The following PRKG2 variants were observed in gnomAD, a reference collection of about 807,000 sequenced individuals.
PRKG2 encodes cGMP-dependent protein kinase 2.
A neutral mutation model predicts 97.2 loss-of-function variants in PRKG2; 33 were observed. The observed-to-expected ratio is 0.34, with a 90% CI of 0.26 to 0.45. The LOEUF is 0.45. Among genes scored for constraint, PRKG2 ranks in the 20% least tolerant of loss-of-function variants. The pLI is 1.00. For missense variants in PRKG2, 638 were observed against 900.0 expected, an observed-to-expected ratio of 0.71 and a Z score of 3.73; for synonymous variants, 330 against 321.8, an observed-to-expected ratio of 1.03 and a Z score of -0.27.
chr4:81,149,356 A>G (rs1748163902), intron 8 of PRKG2, among the ~76,000 whole-genome samples: 1 of 152,202 alleles, frequency 6.6e-6, no homozygotes, highest in African/African-American at 2.4e-5. Flanking sequence ...AGTAATTAGC[A>G]TAAGATCAAC....
chr4:81,193,456 T>C (rs1313677248), intron 2 of PRKG2: 3 of 152,168 alleles, frequency 2.0e-5, no homozygotes, highest in Non-Finnish European at 4.4e-5. Flanking sequence ...CTGTGCCTGG[T>C]ACATAAAATA....
chr4:81,198,151 AT>A (rs1753078142), intron 2 of PRKG2, among the ~76,000 whole-genome samples: 1 of 152,182 alleles, frequency 6.6e-6, no homozygotes, highest in East Asian at 1.9e-4. Flanking sequence ...TTCATTAAAT[AT>A]TTTTCCTAAC....
At chr4:81,132,192 C>A (rs1452248608) in intron 14 of PRKG2, among the ~76,000 whole-genome samples, 1 of 151,728 alleles carries the variant, frequency 6.6e-6, no homozygotes, top group Non-Finnish European at 1.5e-5. Flanking sequence ...TTTTGTTTCA[C>A]TTATAAATTT....
At chr4:81,132,891 G>C (rs1746316524) in intron 14 of PRKG2, among the ~76,000 whole-genome samples, 1 of 151,598 alleles carries the variant, frequency 6.6e-6, no homozygotes, top group Non-Finnish European at 1.5e-5. Flanking sequence ...GTCTGTATCT[G>C]ATTACTCCAA....
intron 14 of PRKG2, among the ~76,000 whole-genome samples, chr4:81,114,865 T>A (rs1199019632): frequency 1.3e-5 from 2 of 152,156 alleles, no homozygotes; most frequent in African/African-American, 4.8e-5. Flanking sequence ...CCTTAAATAC[T>A]TTATAGTTTT....
intron 12 of PRKG2, 101 bp downstream of exon 12, chr4:81,140,432 G>C: frequency 9.5e-7 from 1 of 1,057,706 alleles, no homozygotes; most frequent in Non-Finnish European, 1.3e-6. Flanking sequence ...TGCCTACTAT[G>C]TACCCACAAA....
Position 81,171,618 on chromosome 4 carries a change from CA to C in PRKG2, c.742+72del, listed in dbSNP as rs1316820092. The C allele has an allele frequency of 6.0e-6, 7 of 1,161,076 alleles. 1 individual carries two copies. The Admixed American group carries it at 1.6e-4, about 27-fold the overall frequency. 71.9% of individuals were successfully genotyped at this position (1,161,076 alleles called of 1,614,324 possible). A position where few individuals can be genotyped will look rare whatever the true frequency, so the allele number is the denominator to read the frequency against. On this transcript the variant is annotated intron_variant, in intron 4 of 18. Coordinates refer to ENST00000264399, the MANE Select transcript of PRKG2 (RefSeq NM_006259.3). ...GGGAAACAGACTGTGGATCAGGGTG[CA>C]AATGTGACTGGACTAGATTATCTTT...
chr4:81,117,504 G>A (rs904661175), intron 14 of PRKG2, among the ~76,000 whole-genome samples: 1 of 151,856 alleles, frequency 6.6e-6, no homozygotes, highest in Non-Finnish European at 1.5e-5. Context: ...AATTTTCTAA[G>A]GTATCATTCA....
intron 2 of PRKG2, among the ~76,000 whole-genome samples, chr4:81,187,371 A>C (rs1176433717): frequency 6.6e-6 from 1 of 152,220 alleles, no homozygotes; most frequent in Non-Finnish European, 1.5e-5. Context: ...CCAATGACAA[A>C]AACCACATGA....
In PRKG2 at chr4:81,105,847, G is replaced by A. The variant is rs867510159; in HGVS notation, c.2029C>T (p.Arg677Ter). ...EKMDFPRKITRRPEDLIRRLC... is the reference protein window; with the variant it reads ...EKMDFPRKIT ...CTCCGAATCAAATCCTCAGGTCGTC[G>A]TGTTATCTTCCTGGGAAAATCCATT... The change falls in exon 16 of 19, where the codon CGA (arginine) becomes TGA (stop). Residue 677 changes from arginine to a stop codon, truncating the protein, a stop_gained. Transcript: ENST00000264399. LOFTEE classifies it high-confidence loss of function. 6 of 1,613,718 alleles carry A rather than the reference G, an allele frequency of 3.7e-6. No homozygotes were observed. Among genetic ancestry groups the A allele is most frequent in the Admixed American group, 1.7e-5 (1 of 59,986 alleles).
chr4:81,149,936 T>G (rs970919349), intron 8 of PRKG2, among the ~76,000 whole-genome samples: 1 of 152,178 alleles, frequency 6.6e-6, no homozygotes, highest in Non-Finnish European at 1.5e-5. Flanking sequence ...CCTATCTACC[T>G]AGCTCACATT....
intron 17 of PRKG2, among the ~76,000 whole-genome samples, chr4:81,098,244 G>A (rs1422002717): frequency 1.3e-5 from 2 of 152,268 alleles, no homozygotes; most frequent in Admixed American, 1.3e-4. Flanking sequence ...CGGACTCGAA[G>A]TTCTTCAGTT....
Position 81,154,435 on chromosome 4 carries a change from A to G in PRKG2, c.913-714T>C, listed in dbSNP as rs542903922. On this transcript the variant is annotated intron_variant, in intron 6 of 18. Transcript: ENST00000264399. ...CAGCTGGAGATCTGAGAACGGGCAG[A>G]CTGCCTCCTCAAGTGGGTCCCTGAC... is the stretch of plus-strand genomic sequence containing the variant. Among the ~76,000 whole-genome samples the G allele has an allele frequency of 1.2e-3, 185 of 151,234 alleles. 1 individual carries two copies. The highest frequency in any genetic ancestry group is 1.9e-3 in the Non-Finnish European group (130 of 68,016).
At chr4:81,184,991 C>T (rs1216291147) in intron 2 of PRKG2, among the ~76,000 whole-genome samples, 1 of 134,490 alleles carries the variant, frequency 7.4e-6, no homozygotes, top group African/African-American at 3.8e-5. Flanking sequence ...AAAGACCAAA[C>T]TTACATTTGA....
At chr4:81,131,738 T>G (rs1344414602) in intron 14 of PRKG2, among the ~76,000 whole-genome samples, 1 of 152,204 alleles carries the variant, frequency 6.6e-6, no homozygotes, top group Non-Finnish European at 1.5e-5. Flanking sequence ...CAATGTTTTT[T>G]GAAAAGATTC....
rs774328427 is a variant in PRKG2, at chr4:81,137,511, T to G, written c.1545-29A>C. On this transcript the variant is annotated intron_variant, in intron 12 of 18. Coordinates refer to ENST00000264399, the MANE Select transcript of PRKG2 (RefSeq NM_006259.3). ...TGAAGACAGATAAAAACATGGTTATTATTGGAAATCTAGTTTAAAAACCTT... is the reference window on the plus strand; with the variant it reads ...TGAAGACAGATAAAAACATGGTTATGATTGGAAATCTAGTTTAAAAACCTT... 2.6e-6 allele frequency: 4 copies of G among 1,554,250 alleles called. No individual in the cohort carries two copies. In the South Asian group the frequency reaches 3.4e-5, roughly 13 times the overall value.
chr4:81,173,330 T>A (rs1355847155), intron 3 of PRKG2, among the ~76,000 whole-genome samples: 2 of 152,150 alleles, frequency 1.3e-5, no homozygotes, highest in Non-Finnish European at 2.9e-5. Context: ...GCTGTTTTGA[T>A]ACTGACTTCT....
At chr4:81,179,359 T>C (rs59896344) in intron 2 of PRKG2, among the ~76,000 whole-genome samples, 19,745 of 152,080 alleles carry the variant, frequency 0.13, 1,947 homozygotes, top group East Asian at 0.46. Context: ...TCAACAGAAA[T>C]AACAGAAGCC....
intron 17 of PRKG2, among the ~76,000 whole-genome samples, chr4:81,102,684 C>A (rs1742921263): frequency 6.6e-6 from 1 of 152,126 alleles, no homozygotes; most frequent in Non-Finnish European, 1.5e-5. Flanking sequence ...CTAAAAACAT[C>A]CTTAAGGCAG....
Sources: gnomAD v4.1 joint callset for allele counts (sites outside exome capture counted in the v4.1 genomes callset) on GRCh38, gnomAD v4.1.1 for gene constraint, MANE v1.5 for transcripts, NCBI Gene and HGNC (gene_info 2026-07-23, HGNC 2026-07-21) for gene names.